The following LRCH3 variants were observed in gnomAD, a reference collection of about 807,000 sequenced individuals.
LRCH3 encodes leucine rich repeats and calponin homology domain containing 3.
A neutral mutation model predicts 104.5 loss-of-function variants in LRCH3; 68 were observed. That is an observed-to-expected ratio of 0.65 (90% CI 0.54 to 0.80). LRCH3 has a LOEUF of 0.80. Among genes scored for constraint, LRCH3 ranks in the 30% least tolerant of loss-of-function variants. The pLI, the probability that LRCH3 is intolerant of heterozygous loss-of-function variation, is 0.00. For missense variants in LRCH3, 951 were observed against 953.9 expected, an observed-to-expected ratio of 1.00 and a Z score of 0.04; for synonymous variants, 344 against 361.3, an observed-to-expected ratio of 0.95 and a Z score of 0.54.
intron 17 of LRCH3, among the ~76,000 whole-genome samples, chr3:197,867,010 C>A (rs1203725616): frequency 1.3e-5 from 2 of 152,182 alleles, no homozygotes; most frequent in Admixed American, 6.5e-5. Flanking sequence ...CACGGTGGCT[C>A]ACACTTGTAA....
chr3:197,864,687 C>G (rs1741268037), intron 15 of LRCH3, among the ~76,000 whole-genome samples: 1 of 149,546 alleles, frequency 6.7e-6, no homozygotes, highest in Non-Finnish European at 1.5e-5. Context: ...TCACCAAATC[C>G]TCATTTCTTT....
intron 19 of LRCH3, among the ~76,000 whole-genome samples, chr3:197,874,835 A>G (rs1352448424): frequency 6.6e-6 from 1 of 152,208 alleles, no homozygotes; most frequent in Non-Finnish European, 1.5e-5. Flanking sequence ...TTGTAAATCA[A>G]GTTTCACTGG....
At chr3:197,831,592 G>A (rs1408370969) in intron 7 of LRCH3, among the ~76,000 whole-genome samples, 1 of 151,596 alleles carries the variant, frequency 6.6e-6, no homozygotes, top group Non-Finnish European at 1.5e-5. Flanking sequence ...TATCAATACA[G>A]ATATATATGT....
intron 15 of LRCH3, among the ~76,000 whole-genome samples, chr3:197,861,562 C>CT (rs906823364): frequency 6.6e-6 from 1 of 152,012 alleles, no homozygotes; most frequent in South Asian, 2.1e-4. Context: ...ATAGATAAGT[C>CT]TTTTTTTTCT....
At chr3:197,838,544 C>A (rs1436016983) in intron 9 of LRCH3, among the ~76,000 whole-genome samples, 1 of 152,094 alleles carries the variant, frequency 6.6e-6, no homozygotes, top group Non-Finnish European at 1.5e-5. Context: ...GATGAATAAC[C>A]ATTTTGATGA....
chr3:197,835,497 T>TA (rs79382131), intron 8 of LRCH3, among the ~76,000 whole-genome samples, 177 bp from the exon 9 acceptor site: 9,032 of 134,680 alleles, frequency 0.067, 455 homozygotes, highest in African/African-American at 0.15. Context: ...ATAAAATGGG[T>TA]AAAAAAAAAA....
rs1222551997 is a variant in LRCH3, at chr3:197,884,586, G to T, written c.*920G>T. ...TTACAGGCGTGAGCCACTGCGCCCG[G>T]CGCCCGGCCCATTGCACGTGTTTTT... is the stretch of plus-strand genomic sequence containing the variant. On this transcript the variant is annotated 3_prime_UTR_variant, in exon 21 of 21. Coordinates refer to ENST00000425562, the MANE Select transcript of LRCH3 (RefSeq NM_001365715.1). 1 of 151,690 alleles carries T rather than the reference G, an allele frequency of 6.6e-6. No homozygotes were observed. Among genetic ancestry groups the T allele is most frequent in the Non-Finnish European group, 1.5e-5 (1 of 68,090 alleles). 9.4% of individuals were successfully genotyped at this position (151,690 alleles called of 1,614,324 possible). A position where few individuals can be genotyped will look rare whatever the true frequency, so the allele number is the denominator to read the frequency against.
At chr3:197,792,840 C>A (rs1317199654) in intron 1 of LRCH3, among the ~76,000 whole-genome samples, 2 of 151,316 alleles carry the variant, frequency 1.3e-5, no homozygotes, top group Non-Finnish European at 2.9e-5. Flanking sequence ...TTATTAGAGA[C>A]GGGATTTCAC....
chr3:197,791,229 C>A, upstream of LRCH3: 2 of 1,586,602 alleles, frequency 1.3e-6, no homozygotes, highest in South Asian at 2.3e-5. Context: ...ACCCAGCGGT[C>A]CGGCCGCGCA....
Position 197,810,202 on chromosome 3 carries a change from G to A in LRCH3, c.263-4706G>A, listed in dbSNP as rs1198542078. 6.6e-6 allele frequency among the ~76,000 whole-genome samples: 1 copy of A among 152,112 alleles called. No individual in the cohort carries two copies. Reference sequence around the variant, plus strand: ...TTTTGAGATGGAGTTTCACTCCCAGGTTGGAGTTCAGTGGCACGATCTTGG... The same window carrying A: ...TTTTGAGATGGAGTTTCACTCCCAGATTGGAGTTCAGTGGCACGATCTTGG... On this transcript the variant is annotated intron_variant, in intron 1 of 20. Transcript: ENST00000425562. This position sits in a 1 kb window ranked among gnomAD's most constrained non-coding sequence, Gnocchi z 4.0.
intron 1 of LRCH3, among the ~76,000 whole-genome samples, chr3:197,811,717 C>A (rs1733145684): frequency 6.6e-6 from 1 of 151,990 alleles, no homozygotes; most frequent in Non-Finnish European, 1.5e-5. Flanking sequence ...AATTACATAG[C>A]CAAATAGAAT....
intron 15 of LRCH3, among the ~76,000 whole-genome samples, chr3:197,864,892 G>A (rs1484265982): frequency 6.6e-6 from 1 of 151,474 alleles, no homozygotes; most frequent in Non-Finnish European, 1.5e-5. Flanking sequence ...ATGGTGATGT[G>A]TCCCTGTAGT....
rs11367873 is a variant in LRCH3, at chr3:197,864,709, CTTTTTTTT to C, written c.1717-704_1717-697del. Among the ~76,000 whole-genome samples, 8 of 132,960 alleles carry C rather than the reference CTTTTTTTT, an allele frequency of 6.0e-5. 1 individual carries two copies. The highest frequency in any genetic ancestry group is 1.3e-4 in the Non-Finnish European group (8 of 62,676). 87.2% of individuals were successfully genotyped at this position (132,960 alleles called of 152,430 possible). A position where few individuals can be genotyped will look rare whatever the true frequency, so the allele number is the denominator to read the frequency against. ...ATCCTCATTTCTTTTTCTTCTTCTT[CTTTTTTTT>C]TTTTTTTTTCCAAAGGGGGTCAGGC... On this transcript the variant is annotated intron_variant, in intron 15 of 20. Coordinates refer to ENST00000425562, the MANE Select transcript of LRCH3 (RefSeq NM_001365715.1).
At chr3:197,850,365 T>TTTCTTTTTA in intron 12 of LRCH3, 3 of 955,818 alleles carry the variant, frequency 3.1e-6, no homozygotes, top group South Asian at 1.5e-5. Flanking sequence ...TTTTTTTTTT[T>TTTCTTTTTA]TTTCCTTTTA....
rs752540723 is a variant in LRCH3, at chr3:197,830,753, G to A, written c.888-17G>A. ...TAAAATAACAAACTTTGCAGTAACA[G>A]AGTCTCTTTTCGGCAGCCATGAAGA... On this transcript the variant is annotated splice_polypyrimidine_tract_variant and intron_variant, in intron 6 of 20. Transcript: ENST00000425562. 4 of 1,593,994 alleles carry A rather than the reference G, an allele frequency of 2.5e-6. No homozygotes were observed. The highest frequency in any genetic ancestry group is 1.7e-4 in the Middle Eastern group (1 of 6,052).
At chr3:197,817,356 G>C in intron 3 of LRCH3, 54 bp downstream of exon 3, 1 of 134,320 alleles carries the variant, frequency 7.4e-6, no homozygotes, top group South Asian at 2.7e-4. Context: ...CTGTGTGTGT[G>C]TGTGTATATA....
chr3:197,819,831 T>G (rs1734281057), intron 3 of LRCH3, among the ~76,000 whole-genome samples: 1 of 152,182 alleles, frequency 6.6e-6, no homozygotes, highest in African/African-American at 2.4e-5. Context: ...CGTTTGAGGC[T>G]TATTGAAAAA....
intron 1 of LRCH3, among the ~76,000 whole-genome samples, chr3:197,806,730 T>C (rs1580568884): frequency 6.7e-6 from 1 of 149,386 alleles, no homozygotes; most frequent in African/African-American, 2.5e-5. Flanking sequence ...AATACAAAAT[T>C]AGTTTGGTGT....
chr3:197,819,671 G>A (rs566443434), intron 3 of LRCH3, among the ~76,000 whole-genome samples: 1 of 151,748 alleles, frequency 6.6e-6, no homozygotes, highest in African/African-American at 2.4e-5. Flanking sequence ...AGCTGAGATC[G>A]TGCTATTGCA....
Sources: gnomAD v4.1 joint callset for allele counts (sites outside exome capture counted in the v4.1 genomes callset) on GRCh38, gnomAD v4.1.1 for gene constraint, Gnocchi (gnomAD v3.1) non-coding constraint, MANE v1.5 for transcripts, NCBI Gene and HGNC (gene_info 2026-07-23, HGNC 2026-07-21) for gene names.